The following SRPRB variants were observed in gnomAD, a reference collection of about 807,000 sequenced individuals.
SRPRB encodes the protein SRP receptor subunit beta.
SRPRB carries 20 observed loss-of-function variants against 31.9 expected under a neutral mutation model. The observed-to-expected ratio is 0.63, with a 90% confidence interval of 0.44 to 0.91. SRPRB has a LOEUF of 0.91. Among genes scored for constraint, SRPRB ranks in the 40% least tolerant of loss-of-function variants. SRPRB has a pLI of 0.00. For synonymous variants in SRPRB, 146 were observed against 132.8 expected, an observed-to-expected ratio of 1.10 and a Z score of -0.68; for missense variants, 321 against 324.9, an observed-to-expected ratio of 0.99 and a Z score of 0.09.
intron 4 of SRPRB, among the ~76,000 whole-genome samples, chr3:133,813,398 G>C (rs987412923): frequency 6.6e-6 from 1 of 151,872 alleles, no homozygotes; most frequent in African/African-American, 2.4e-5. Context: ...CCTCTCTATC[G>C]TATCTTCCAG....
chr3:133,822,450 T>C (rs924273234), downstream of SRPRB, among the ~76,000 whole-genome samples: 1 of 152,128 alleles, frequency 6.6e-6, no homozygotes, highest in Non-Finnish European at 1.5e-5. Flanking sequence ...GCACTGTTTC[T>C]TCCTTTGGCT....
chr3:133,807,719 A>C lies in SRPRB; in HGVS notation c.250-27A>C, dbSNP rs113862503. ...TTTAGGTGTGCTATTAAAATGTTGA[A>C]TATCACCCATCTTGTTTTTTTTACA... is the stretch of plus-strand genomic sequence containing the variant. On this transcript the variant is annotated intron_variant, in intron 2 of 6. Coordinates refer to ENST00000678299, the MANE Select transcript of SRPRB (RefSeq NM_001379313.1). The C allele has an allele frequency of 2.6e-3, 3,895 of 1,512,108 alleles. 81 individuals are homozygous for C. The African/African-American group carries it at 0.045, about 17-fold the overall frequency. 93.7% of individuals were successfully genotyped at this position (1,512,108 alleles called of 1,614,324 possible).
chr3:133,797,120 A>G (rs1373888422), intron 1 of SRPRB, among the ~76,000 whole-genome samples: 12 of 152,262 alleles, frequency 7.9e-5, no homozygotes, highest in Admixed American at 7.2e-4. Flanking sequence ...TCCCAATTGC[A>G]TAACATTGGA....
At chr3:133,785,483 CGGGA>C (rs1934651609) in intron 1 of SRPRB, 1 of 118,020 alleles carries the variant, frequency 8.5e-6, no homozygotes, top group African/African-American at 3.1e-5. Flanking sequence ...CCGCCCCGTC[CGGGA>C]GGGAGGTGGG....
At position 133,819,918 on chromosome 3, in the gene SRPRB, ATTT is replaced by A. The variant is rs75496501; in HGVS notation, c.*170_*172del. Reference sequence around the variant, plus strand: ...AAAGTACTGTTGAAACCAGCTTGGAATTTTTTTTTTTTTTTTTTTTAAGTTCAG... The same window carrying A: ...AAAGTACTGTTGAAACCAGCTTGGAATTTTTTTTTTTTTTTTTAAGTTCAG... On this transcript the variant is annotated 3_prime_UTR_variant, in exon 7 of 7. Transcript: ENST00000678299. 6,611 of 535,276 alleles carry A rather than the reference ATTT, an allele frequency of 0.012. No individual in the cohort carries two copies. The highest frequency in any genetic ancestry group is 0.017 in the South Asian group (680 of 41,062). 33.2% of individuals were successfully genotyped at this position (535,276 alleles called of 1,614,324 possible).
rs752884683 is a variant in SRPRB at position 133,816,952 on chromosome 3, G to A, written c.602+20G>A. 6 of 1,602,994 alleles carry A rather than the reference G, an allele frequency of 3.7e-6. No homozygotes were observed. The South Asian group carries it at 6.8e-5, about 18-fold the overall frequency. On this transcript the variant is annotated intron_variant, in intron 6 of 6. Transcript: ENST00000678299. ...AGAACTGTAAGTGTGAAAGAGGCCT[G>A]TTGGTTAATTATATATCTTAACACT...
At chr3:133,827,748 C>CT, downstream of SRPRB, 2 of 15,982 alleles carry the variant, frequency 1.3e-4, no homozygotes, top group Middle Eastern at 0.01. Flanking sequence ...CAGACAACAC[C>CT]CCCCCCCCCC....
At chr3:133,803,933 A>G (rs1191610289), upstream of SRPRB, among the ~76,000 whole-genome samples, 2 of 151,264 alleles carry the variant, frequency 1.3e-5, no homozygotes, top group Non-Finnish European at 3.0e-5. Context: ...CGTCTCTACT[A>G]AAAATACAAA....
At chr3:133,817,638 A>G (rs1447910670) in intron 6 of SRPRB, among the ~76,000 whole-genome samples, 1 of 152,220 alleles carries the variant, frequency 6.6e-6, no homozygotes, top group African/African-American at 2.4e-5. Flanking sequence ...ATTTATAGTA[A>G]AGCAAGTTAT....
chr3:133,828,125 C>T (rs1449978285), downstream of SRPRB: 6 of 628,658 alleles, frequency 9.5e-6, no homozygotes, highest in Admixed American at 2.3e-5. Flanking sequence ...GGGCTGCTGC[C>T]GGGCTGCCTA....
At chr3:133,785,514 GC>G (rs1934653540) in intron 1 of SRPRB, 1 of 94,778 alleles carries the variant, frequency 1.1e-5, no homozygotes, top group Admixed American at 9.2e-5. Flanking sequence ...CAGCCCCCCT[GC>G]CCGGCCAGTG....
At chr3:133,806,740 A>G (rs758112097) in intron 2 of SRPRB, 37 bp downstream of exon 2, 4 of 1,510,940 alleles carry the variant, frequency 2.6e-6, no homozygotes, top group African/African-American at 1.4e-5. Flanking sequence ...TAAGCTTAAT[A>G]GAAAATTTTA....
chr3:133,799,192 T>G (rs1935025122), intron 1 of SRPRB, among the ~76,000 whole-genome samples: 2 of 152,214 alleles, frequency 1.3e-5, no homozygotes, highest in Admixed American at 1.3e-4. Flanking sequence ...CAAACACATA[T>G]GTCCTTTATT....
At chr3:133,789,894 T>G (rs1934789155) in intron 1 of SRPRB, 1 of 148,142 alleles carries the variant, frequency 6.8e-6, no homozygotes, top group Non-Finnish European at 1.5e-5. Flanking sequence ...TTTTTTTTTT[T>G]TTTTTTTTTT....
downstream of SRPRB, chr3:133,824,810 C>A (rs545279338): frequency 3.2e-4 from 48 of 152,152 alleles, no homozygotes; most frequent in African/African-American, 1.1e-3. Flanking sequence ...AGGAACACAC[C>A]CACACACAGC....
Position 133,807,735 on chromosome 3 carries a change from T to C in SRPRB, c.250-11T>C. 6.2e-7 allele frequency: 1 copy of C among 1,603,788 alleles called. No homozygotes were observed. Among genetic ancestry groups the C allele is most frequent in the Non-Finnish European group, 8.5e-7 (1 of 1,172,204 alleles). On this transcript the variant is annotated splice_polypyrimidine_tract_variant and intron_variant, in intron 2 of 6. Transcript: ENST00000678299. ...AAATGTTGAATATCACCCATCTTGTTTTTTTTACAGTTGTTAACAGGCCTT... is the reference window on the plus strand; with the variant it reads ...AAATGTTGAATATCACCCATCTTGTCTTTTTTACAGTTGTTAACAGGCCTT...
In SRPRB at chr3:133,811,181, G is replaced by C. The variant is rs778731077; in HGVS notation, c.392G>C (p.Arg131Pro). 2 of 1,614,166 alleles carry C rather than the reference G, an allele frequency of 1.2e-6. No individual in the cohort carries two copies. Among genetic ancestry groups the C allele is most frequent in the Admixed American group, 1.7e-5 (1 of 60,026 alleles). ...AGTTTGAGGCTTCAGTTCTTAGAGCGGTTTAAGTCTTCAGCCAGGTAAGAA... is the reference window on the plus strand; with the variant it reads ...AGTTTGAGGCTTCAGTTCTTAGAGCCGTTTAAGTCTTCAGCCAGGTAAGAA... ...HESLRLQFLERFKSSARAIVF... is the reference protein window; with the variant it reads ...HESLRLQFLEPFKSSARAIVF... Residue 131 changes from arginine (R) to proline (P), a missense_variant, in exon 4 of 7, where the codon CGG (arginine) becomes CCG (proline). By Grantham distance (103) the Arg-to-Pro change is moderately radical. Transcript: ENST00000678299.
intron 3 of SRPRB, among the ~76,000 whole-genome samples, chr3:133,809,088 G>A (rs2107969973): frequency 6.6e-6 from 1 of 151,948 alleles, no homozygotes; most frequent in African/African-American, 2.4e-5. Flanking sequence ...TGCCTCCCGA[G>A]TTGAAGCGAT....
intron 1 of SRPRB, chr3:133,792,698 T>A (rs1484178946): frequency 1.3e-5 from 2 of 152,186 alleles, no homozygotes; most frequent in African/African-American, 4.8e-5. Flanking sequence ...TGAAAGATTA[T>A]AACAAGGCAT....
Sources: allele counts gnomAD v4.1 joint callset (sites outside exome capture counted in the v4.1 genomes callset), GRCh38; gene constraint gnomAD v4.1.1; transcripts MANE v1.5; gene names NCBI Gene and HGNC (gene_info 2026-07-23, HGNC 2026-07-21).